ARB2A: variants seen among roughly 807,000 people sequenced by gnomAD.
The protein encoded by ARB2A is ARB2 cotranscriptional regulator A.
At chr5:93,691,384 C>G in the ARB2A span, among the ~76,000 whole-genome samples, 8 of 151,582 alleles carry the variant, frequency 5.3e-5, no homozygotes, top group Non-Finnish European at 8.8e-5. Flanking sequence ...GAAGCATATA[C>G]AAGTATTAAC....
the ARB2A span, among the ~76,000 whole-genome samples, chr5:93,947,723 G>T: frequency 7.6e-6 from 1 of 132,204 alleles, no homozygotes; most frequent in Non-Finnish European, 1.5e-5. Flanking sequence ...GTGTCCATGT[G>T]TTCTCATTGT....
At chr5:93,912,593 T>A in the ARB2A span, among the ~76,000 whole-genome samples, 1 of 151,772 alleles carries the variant, frequency 6.6e-6, no homozygotes, top group Non-Finnish European at 1.5e-5. Flanking sequence ...TATGGAAATT[T>A]TATTTTGGTC....
At chr5:93,804,403 T>C in the ARB2A span, among the ~76,000 whole-genome samples, 1 of 151,968 alleles carries the variant, frequency 6.6e-6, no homozygotes, top group Non-Finnish European at 1.5e-5. Context: ...CAAGCATACA[T>C]ACATACCAAA....
chr5:93,736,638 T>C, the ARB2A span: 1 of 152,162 alleles, frequency 6.6e-6, no homozygotes, highest in South Asian at 2.1e-4. Context: ...ATGGTGATGG[T>C]AGTACTGGGG....
chr5:93,804,586 A>T, the ARB2A span, among the ~76,000 whole-genome samples: 2 of 151,848 alleles, frequency 1.3e-5, no homozygotes, highest in Non-Finnish European at 2.9e-5. Context: ...TTAGCTACTG[A>T]TTTTAATTAA....
the ARB2A span, among the ~76,000 whole-genome samples, chr5:94,046,299 T>C: frequency 5.3e-5 from 8 of 152,104 alleles, no homozygotes; most frequent in African/African-American, 1.9e-4. Context: ...ATACAACGCT[T>C]TACCTCCCCC....
the ARB2A span, among the ~76,000 whole-genome samples, chr5:93,781,690 G>GT: frequency 2.1e-3 from 286 of 138,666 alleles, 1 homozygote; most frequent in Middle Eastern, 3.7e-3. Flanking sequence ...GCCAACATCT[G>GT]TTTTTTTTTT....
the ARB2A span, chr5:93,881,473 G>A: frequency 6.8e-6 from 11 of 1,607,016 alleles, no homozygotes; most frequent in South Asian, 1.2e-4. Context: ...CACTCACTCT[G>A]ATATACAATT....
At chr5:93,743,258 C>G in the ARB2A span, 1 of 152,262 alleles carries the variant, frequency 6.6e-6, no homozygotes, top group East Asian at 1.9e-4. Context: ...CTACTGCAAC[C>G]CTTGCTAGAA....
the ARB2A span, among the ~76,000 whole-genome samples, chr5:94,111,307 G>A: frequency 6.6e-6 from 1 of 152,254 alleles, no homozygotes; most frequent in Admixed American, 6.5e-5. Flanking sequence ...CCCGCCTAGA[G>A]AGTGGAAATG....
At chr5:93,957,254 G>A in the ARB2A span, among the ~76,000 whole-genome samples, 1 of 152,118 alleles carries the variant, frequency 6.6e-6, no homozygotes, top group South Asian at 2.1e-4. Flanking sequence ...AATAGGAAAG[G>A]CTTAGGTGAT....
At chr5:93,950,797 A>G in the ARB2A span, among the ~76,000 whole-genome samples, 3 of 151,808 alleles carry the variant, frequency 2.0e-5, no homozygotes, top group Non-Finnish European at 4.4e-5. Context: ...ACAAAAAATT[A>G]GCCCAGCATG....
At chr5:93,718,455 G>A in the ARB2A span, among the ~76,000 whole-genome samples, 1 of 151,946 alleles carries the variant, frequency 6.6e-6, no homozygotes, top group Non-Finnish European at 1.5e-5. Context: ...AAAAAGTATG[G>A]CTCAGAATAG....
the ARB2A span, among the ~76,000 whole-genome samples, chr5:94,017,503 T>G: frequency 6.6e-6 from 1 of 152,318 alleles, no homozygotes; most frequent in African/African-American, 2.4e-5. Flanking sequence ...AATTTATTAC[T>G]GGAATGGATA....
At chr5:93,719,277 G>A in the ARB2A span, among the ~76,000 whole-genome samples, 1 of 152,122 alleles carries the variant, frequency 6.6e-6, no homozygotes, top group African/African-American at 2.4e-5. Context: ...GAGCTCCTAG[G>A]CTATAGGGTG....
chr5:93,684,178 A>G, the ARB2A span, among the ~76,000 whole-genome samples: 1 of 152,190 alleles, frequency 6.6e-6, no homozygotes, highest in Admixed American at 6.5e-5. Flanking sequence ...GGGTAGCTGG[A>G]ACATATGCTC....
At chr5:93,674,911 C>T in the ARB2A span, among the ~76,000 whole-genome samples, 2 of 152,260 alleles carry the variant, frequency 1.3e-5, no homozygotes, top group East Asian at 3.9e-4. Flanking sequence ...AAATGAGACA[C>T]AGTTATAACA....
At chr5:93,828,414 A>T in the ARB2A span, among the ~76,000 whole-genome samples, 3 of 152,246 alleles carry the variant, frequency 2.0e-5, no homozygotes, top group South Asian at 2.1e-4. Context: ...GGTGTAGAAG[A>T]ATGCTTGTGA....
At chr5:93,857,324 G>A in the ARB2A span, among the ~76,000 whole-genome samples, 11 of 152,266 alleles carry the variant, frequency 7.2e-5, no homozygotes, top group Non-Finnish European at 1.3e-4. Context: ...GCTGTCAGAC[G>A]GGGACATTTA....
Sources: gnomAD v4.1 joint callset for allele counts (sites outside exome capture counted in the v4.1 genomes callset) on GRCh38, gnomAD v4.1.1 for gene constraint, MANE v1.5 for transcripts, NCBI Gene and HGNC (gene_info 2026-07-23, HGNC 2026-07-21) for gene names.